The following NALF1 variants were observed in gnomAD, a reference collection of about 807,000 sequenced individuals.
NALF1 encodes NALCN channel auxiliary factor 1.
In NALF1, 3 loss-of-function variants were observed where a neutral mutation model predicts 48.4. The observed-to-expected ratio is 0.06, with a 90% CI of 0.03 to 0.16. The LOEUF is 0.16. Ranked by LOEUF, NALF1 falls within the 10% of genes least tolerant of loss-of-function variation. The pLI, the probability that NALF1 is intolerant of heterozygous loss-of-function variation, is 1.00. For synonymous variants in NALF1, 262 were observed against 245.7 expected (o/e 1.07, Z -0.62); for missense variants, 526 against 571.5 (o/e 0.92, Z 0.81).
At chr13:107,397,106 G>A (rs1276749071) in intron 1 of NALF1, among the ~76,000 whole-genome samples, 2 of 152,180 alleles carry the variant, frequency 1.3e-5, no homozygotes, top group African/African-American at 4.8e-5. Context: ...ATGCAGCTCA[G>A]TTGACTGGCA....
chr13:107,777,612 CT>C (rs1877775550), intron 1 of NALF1, among the ~76,000 whole-genome samples: 1 of 152,166 alleles, frequency 6.6e-6, no homozygotes, highest in African/African-American at 2.4e-5. Context: ...CAGCTTCTGC[CT>C]AATTGTAAGC....
At chr13:107,778,282 T>C (rs76016926) in intron 1 of NALF1, among the ~76,000 whole-genome samples, 191 of 152,266 alleles carry the variant, frequency 1.3e-3, no homozygotes, top group African/African-American at 4.2e-3. Flanking sequence ...AGGAATGTAT[T>C]TGGAGCATCA....
At chr13:107,562,571 A>G (rs1877678681) in intron 1 of NALF1, among the ~76,000 whole-genome samples, 2 of 152,188 alleles carry the variant, frequency 1.3e-5, no homozygotes, top group African/African-American at 4.8e-5. Flanking sequence ...AAATCAGTTG[A>G]TAAATGCTGT....
At chr13:107,736,180 TAC>T (rs1030266206) in intron 1 of NALF1, among the ~76,000 whole-genome samples, 88 of 106,610 alleles carry the variant, frequency 8.3e-4, no homozygotes, top group African/African-American at 2.8e-3. Flanking sequence ...TACGCATGCA[TAC>T]ACACACACAC....
intron 1 of NALF1, among the ~76,000 whole-genome samples, chr13:107,371,680 C>T (rs138438384): frequency 6.6e-6 from 1 of 152,178 alleles, no homozygotes; most frequent in Admixed American, 6.5e-5. Context: ...TGCTATTTTA[C>T]ACAGGTCTTA....
At chr13:107,787,509 C>T (rs949411614) in intron 1 of NALF1, among the ~76,000 whole-genome samples, 16 of 152,152 alleles carry the variant, frequency 1.1e-4, no homozygotes, top group African/African-American at 2.9e-4. Context: ...ATCAATGACA[C>T]CAAACCTGTT....
intron 1 of NALF1, among the ~76,000 whole-genome samples, chr13:107,359,894 G>A (rs1272762260): frequency 6.6e-6 from 1 of 152,088 alleles, no homozygotes; most frequent in Non-Finnish European, 1.5e-5. Flanking sequence ...GAATTAGTAT[G>A]CCACATCAGT....
chr13:107,371,084 C>T (rs76540473), intron 1 of NALF1, among the ~76,000 whole-genome samples: 2,938 of 152,286 alleles, frequency 0.019, 49 homozygotes, highest in South Asian at 0.041. Context: ...TTCAGAGATA[C>T]ACATTTCAGT....
At chr13:107,236,291 C>T (rs576744222) in intron 1 of NALF1, among the ~76,000 whole-genome samples, 1 of 152,094 alleles carries the variant, frequency 6.6e-6, no homozygotes, top group African/African-American at 2.4e-5. Flanking sequence ...CAGCAAAGTA[C>T]CAAAATTTCT....
intron 1 of NALF1, among the ~76,000 whole-genome samples, chr13:107,603,709 C>T (rs1308484491): frequency 6.6e-6 from 1 of 152,150 alleles, no homozygotes; most frequent in Non-Finnish European, 1.5e-5. Flanking sequence ...TCATGTGGGG[C>T]ACCAGTGAAC....
intron 1 of NALF1, among the ~76,000 whole-genome samples, chr13:107,785,797 C>G (rs369588625): frequency 6.6e-6 from 1 of 152,152 alleles, no homozygotes; most frequent in South Asian, 2.1e-4. Flanking sequence ...CAGTGGTTCT[C>G]AAACCTACAG....
At chr13:107,731,913 T>TTGTCCTACAGAATTC (rs1160577181) in intron 1 of NALF1, among the ~76,000 whole-genome samples, 17 of 152,182 alleles carry the variant, frequency 1.1e-4, no homozygotes, top group Non-Finnish European at 2.4e-4. Flanking sequence ...GCTGCTTCCT[T>TTGTCCTACAGAATTC]TGTCCTACAG....
chr13:107,828,257 T>C (rs1389317793), intron 1 of NALF1, among the ~76,000 whole-genome samples: 3 of 152,184 alleles, frequency 2.0e-5, no homozygotes, highest in Non-Finnish European at 4.4e-5. Context: ...CAAATTTTTG[T>C]TATTGTTATC....
intron 1 of NALF1, among the ~76,000 whole-genome samples, chr13:107,394,054 G>A (rs537467511): frequency 6.6e-6 from 1 of 152,292 alleles, no homozygotes; most frequent in East Asian, 1.9e-4. Context: ...GATCTTGTGA[G>A]AATGTAACAA....
intron 1 of NALF1, among the ~76,000 whole-genome samples, chr13:107,841,060 C>T (rs899265392): frequency 5.3e-5 from 8 of 152,124 alleles, no homozygotes; most frequent in Non-Finnish European, 1.5e-5. Flanking sequence ...CAGGGGTCAT[C>T]ATCCATGTAT....
intron 1 of NALF1, among the ~76,000 whole-genome samples, chr13:107,633,602 C>G (rs1313173378): frequency 2.0e-5 from 3 of 151,692 alleles, no homozygotes; most frequent in African/African-American, 7.3e-5. Context: ...CACATTAAAC[C>G]CGTATAAACT....
At chr13:107,669,757 C>G (rs1331878424) in intron 1 of NALF1, among the ~76,000 whole-genome samples, 1 of 152,078 alleles carries the variant, frequency 6.6e-6, no homozygotes, top group East Asian at 1.9e-4. Flanking sequence ...TGGCTCTTTT[C>G]TGAAGAAAAG....
intron 1 of NALF1, among the ~76,000 whole-genome samples, chr13:107,317,283 C>T (rs908438049): frequency 6.6e-6 from 1 of 152,118 alleles, no homozygotes; most frequent in Admixed American, 6.6e-5. Context: ...GCATATGTGT[C>T]TAAGAATACA....
chr13:107,537,350 T>C (rs1876856834), intron 1 of NALF1, among the ~76,000 whole-genome samples: 1 of 152,158 alleles, frequency 6.6e-6, no homozygotes, highest in Admixed American at 6.6e-5. Context: ...TGAGATGTAA[T>C]ATTTGATTAA....
Sources: gnomAD v4.1 joint callset for allele counts (sites outside exome capture counted in the v4.1 genomes callset) on GRCh38, gnomAD v4.1.1 for gene constraint, MANE v1.5 for transcripts, NCBI Gene and HGNC (gene_info 2026-07-23, HGNC 2026-07-21) for gene names.